SERPINB3: variants seen among roughly 807,000 people sequenced by gnomAD.
SERPINB3 encodes serpin B3.
SERPINB3 carries 33 observed loss-of-function variants against 33.0 expected under a neutral mutation model. The ratio of observed to expected loss-of-function variants is 1.00; its 90% confidence interval spans 0.76 to 1.34. The LOEUF is 1.34. SERPINB3 is among the 40% of genes most tolerant of loss of function. SERPINB3 has a pLI of 0.00. For synonymous variants in SERPINB3, 200 were observed against 170.9 expected, an observed-to-expected ratio of 1.17 and a Z score of -1.33; for missense variants, 518 against 461.5, an observed-to-expected ratio of 1.12 and a Z score of -1.12.
chr18:63,657,682 G>GTCCAT (rs1368891372), intron 5 of SERPINB3, among the ~76,000 whole-genome samples: 2 of 151,912 alleles, frequency 1.3e-5, no homozygotes, highest in African/African-American at 4.8e-5. Flanking sequence ...GTATGAATGA[G>GTCCAT]TCCATTCATC....
Position 63,655,783 on chromosome 18 carries a change from T to TA in SERPINB3, c.1046dup (p.Val350SerfsTer11). 1 of 1,608,966 alleles carries TA rather than the reference T, an allele frequency of 6.2e-7. No homozygotes were observed. Among genetic ancestry groups the TA allele is most frequent in the South Asian group, 1.1e-5 (1 of 91,044 alleles). ...AAGTAGGTGATGATCCGAATCCTAC[T>TA]ACAGCGGTGGCAGCTGCAGCTTCTG... On this transcript the variant is annotated frameshift_variant, in exon 8 of 8. Coordinates refer to ENST00000283752, the MANE Select transcript of SERPINB3 (RefSeq NM_006919.3). LOFTEE classifies it low-confidence loss of function (END_TRUNC).
chr18:63,657,275 T>C lies in SERPINB3; in HGVS notation c.607A>G (p.Asn203Asp). ...AAATAAAATATAGACAATACCTTGT[T>C]TGGCCAAAATTTTTCCTCTTTAGTA... ...EDTKEEKFWP[N>D]KNTYKSIQMM... is the part of the protein sequence containing the mutation. Residue 203 changes from asparagine to aspartate, a missense_variant, in exon 6 of 8, where the codon AAC (asparagine) becomes GAC (aspartate). Asn to Asp is a conservative substitution (Grantham distance 23). Transcript: ENST00000283752. The C allele has an allele frequency of 6.4e-7, 1 of 1,557,796 alleles. No individual in the cohort carries two copies.
At chr18:63,659,623 G>C (rs1913590143) in intron 3 of SERPINB3, 96 bp from the exon 4 acceptor site, 2 of 1,527,272 alleles carry the variant, frequency 1.3e-6, no homozygotes, top group Non-Finnish European at 1.8e-6. Flanking sequence ...ATGGCTGGTA[G>C]TCTCAATGAG....
At position 63,661,173 on chromosome 18, in the gene SERPINB3, A is replaced by G. The variant is rs1310758621; in HGVS notation, c.44T>C (p.Leu15Pro). The stretch of plus-strand genomic sequence containing the variant: ...TTTTGATTTTCTGAACTGTTGGAAC[A>G]GGTCGAACATGAACTTGGTGTTGGC... ...SEANTKFMFDLFQQFRKSKEN... is the reference protein window; with the variant it reads ...SEANTKFMFDPFQQFRKSKEN... The change falls in exon 2 of 8, where the codon CTG becomes CCG. Residue 15 changes from leucine (L) to proline (P), a missense_variant. By Grantham distance (98) the Leu-to-Pro change is moderately conservative. Transcript: ENST00000283752. 1 of 1,613,656 alleles carries G rather than the reference A, an allele frequency of 6.2e-7. No homozygotes were observed.
In SERPINB3 at chr18:63,660,864, A is replaced by G; in HGVS notation, c.166-8T>C. 1.2e-6 allele frequency: 2 copies of G among 1,613,342 alleles called. No individual in the cohort carries two copies. Among genetic ancestry groups the G allele is most frequent in the South Asian group, 1.1e-5 (1 of 91,064 alleles). On this transcript the variant is annotated splice_region_variant and splice_polypyrimidine_tract_variant and intron_variant, in intron 2 of 7. Transcript: ENST00000283752. The stretch of plus-strand genomic sequence containing the variant: ...TTGATCAAAGTGAAGAACCTGGAAG[A>G]GACATGAAGCGGGACAAGAAAACTT...
chr18:63,658,265 C>A (rs1230589425), intron 5 of SERPINB3, among the ~76,000 whole-genome samples: 1 of 152,146 alleles, frequency 6.6e-6, no homozygotes, highest in East Asian at 1.9e-4. Flanking sequence ...AAGCTATTGT[C>A]ATCCAGGAAC....
chr18:63,657,759 C>T (rs4089772), intron 5 of SERPINB3, among the ~76,000 whole-genome samples: 58,796 of 150,536 alleles, frequency 0.39, 13,875 homozygotes, highest in Non-Finnish European at 0.53. Flanking sequence ...TTCTCCCTCC[C>T]TCCTCTTCCT....
At chr18:63,659,315 T>C (rs751172438) in intron 4 of SERPINB3, 84 bp downstream of exon 4, 1 of 1,466,296 alleles carries the variant, frequency 6.8e-7, no homozygotes, top group Non-Finnish European at 9.5e-7. Flanking sequence ...GTCAGGCTCA[T>C]CTGCCTTGCT....
At position 63,661,479 on chromosome 18, in the gene SERPINB3, A is replaced by C. The variant is rs1598940311; in HGVS notation, c.-26-237T>G. ...TTAAAGACTACTGTAAATAAGTAAT[A>C]GACCCTCTTTCCTTCATTGCTGGCT... On this transcript the variant is annotated intron_variant, in intron 1 of 7. Transcript: ENST00000283752. 2.6e-5 allele frequency among the ~76,000 whole-genome samples: 4 copies of C among 152,020 alleles called. No individual in the cohort carries two copies. The South Asian group carries it at 8.3e-4, about 31-fold the overall frequency.
Position 63,657,284 on chromosome 18 carries a change from A to AT in SERPINB3, c.597dup (p.Phe200IlefsTer51). Reference sequence around the variant, plus strand: ...ATAGACAATACCTTGTTTGGCCAAAATTTTTCCTCTTTAGTATCTTCTTTA... The same window carrying AT: ...ATAGACAATACCTTGTTTGGCCAAAATTTTTTCCTCTTTAGTATCTTCTTTA... On this transcript the variant is annotated frameshift_variant, in exon 6 of 8. Coordinates refer to ENST00000283752, the MANE Select transcript of SERPINB3 (RefSeq NM_006919.3). LOFTEE classifies it high-confidence loss of function. 3.2e-6 allele frequency: 5 copies of AT among 1,579,282 alleles called. No individual in the cohort carries two copies. Among genetic ancestry groups the AT allele is most frequent in the Non-Finnish European group, 3.5e-6 (4 of 1,157,648 alleles).
intron 3 of SERPINB3, among the ~76,000 whole-genome samples, chr18:63,660,438 T>G (rs1466819472): frequency 6.6e-6 from 1 of 152,270 alleles, no homozygotes; most frequent in East Asian, 1.9e-4. Flanking sequence ...CATTTGCATG[T>G]ATTTGCATGT....
chr18:63,655,759 A>C lies in SERPINB3; in HGVS notation c.1071T>G (p.Thr357=), dbSNP rs765840103. The change falls in exon 8 of 8, where the codon ACT becomes ACG. Residue 357 remains threonine, a synonymous_variant. Coordinates refer to ENST00000283752, the MANE Select transcript of SERPINB3 (RefSeq NM_006919.3). ...TACAATGGAACTCTTCATTAGTTGAAGTAGGTGATGATCCGAATCCTACTA... is the reference window on the plus strand; with the variant it reads ...TACAATGGAACTCTTCATTAGTTGACGTAGGTGATGATCCGAATCCTACTA... ...TAVVGFGSSP[T]STNEEFHCNH... is the part of the protein sequence containing the mutation. 11 of 1,613,420 alleles carry C rather than the reference A, an allele frequency of 6.8e-6. No individual in the cohort carries two copies. The highest frequency in any genetic ancestry group is 9.3e-6 in the Non-Finnish European group (11 of 1,179,954).
rs971594432 is a variant in SERPINB3, at chr18:63,655,582, G to C, written c.*75C>G. The C allele has an allele frequency of 9.5e-5, 138 of 1,451,714 alleles. No individual in the cohort carries two copies. The African/African-American group carries it at 1.8e-3, about 19-fold the overall frequency. The allele number at this position is 1,451,714 out of a possible 1,614,324, so 89.9% of individuals were successfully genotyped here. ...AAAGAAATATGAGCCAAGAGAATCT[G>C]TTGTTGCCAGCAATCAGTTTACCAG... On this transcript the variant is annotated 3_prime_UTR_variant, in exon 8 of 8. Coordinates refer to ENST00000283752, the MANE Select transcript of SERPINB3 (RefSeq NM_006919.3).
Position 63,655,471 on chromosome 18 carries a change from T to G in SERPINB3, c.*186A>C, listed in dbSNP as rs1349577703. ...CTGGAAGAAAAAGTACATTTATATG[T>G]GGGCTTATTAAGAGAAAGAGAGAAA... On this transcript the variant is annotated 3_prime_UTR_variant, in exon 8 of 8. Transcript: ENST00000283752. The G allele has an allele frequency of 4.8e-6, 3 of 626,758 alleles. No individual in the cohort carries two copies. The highest frequency in any genetic ancestry group is 5.6e-5 in the East Asian group (2 of 35,618). The allele number at this position is 626,758 out of a possible 1,614,324, so 38.8% of individuals were successfully genotyped here.
chr18:63,659,356 C>T (rs1913579715), intron 4 of SERPINB3, 43 bp downstream of exon 4: 6 of 1,595,690 alleles, frequency 3.8e-6, no homozygotes, highest in Non-Finnish European at 5.1e-6. Flanking sequence ...GAGACACAGA[C>T]ATCAGGATGC....
rs1377897057 is a variant in SERPINB3, at chr18:63,655,665, A to T, written c.1165T>A (p.Ser389Thr). The change falls in exon 8 of 8, where the codon TCC (serine) becomes ACC (threonine). Residue 389 changes from serine (S) to threonine (T), a missense_variant. Physicochemically the swap from Ser to Thr is moderately conservative, Grantham distance 58. Coordinates refer to ENST00000283752, the MANE Select transcript of SERPINB3 (RefSeq NM_006919.3). Reference sequence around the variant, plus strand: ...TGACAGACTAATTGCATCTACGGGGATGAGAATCTGCCATAGAAGAGGATG... The same window carrying T: ...TGACAGACTAATTGCATCTACGGGGTTGAGAATCTGCCATAGAAGAGGATG... Reference protein sequence around the residue: ...NSILFYGRFSSP With the variant: ...NSILFYGRFSTP The T allele has an allele frequency of 6.2e-7, 1 of 1,606,314 alleles. No individual in the cohort carries two copies. Among genetic ancestry groups the T allele is most frequent in the Admixed American group, 1.7e-5 (1 of 59,710 alleles).
At position 63,655,827 on chromosome 18, in the gene SERPINB3, C is replaced by T. The variant is rs1913478980; in HGVS notation, c.1003G>A (p.Glu335Lys). ...LSGVLHKAFV[E>K]VTEEGAEAAA... ...GCTTCTGCTCCCTCCTCTGTAACCT[C>T]CACAAAGGCCTTGTGTAGGACTCCA... The change falls in exon 8 of 8, where the codon GAG becomes AAG. Residue 335 changes from glutamate to lysine, a missense_variant. Physicochemically the swap from Glu to Lys is moderately conservative, Grantham distance 56. Coordinates refer to ENST00000283752, the MANE Select transcript of SERPINB3 (RefSeq NM_006919.3). The T allele has an allele frequency of 1.2e-6, 2 of 1,613,878 alleles. No individual in the cohort carries two copies. Among genetic ancestry groups the T allele is most frequent in the African/African-American group, 1.3e-5 (1 of 74,914 alleles).
chr18:63,657,644 T>C (rs1377140194), intron 5 of SERPINB3, among the ~76,000 whole-genome samples: 2 of 152,142 alleles, frequency 1.3e-5, no homozygotes, highest in Non-Finnish European at 2.9e-5. Flanking sequence ...TCACTTCTTG[T>C]GATAGAGAAG....
intron 3 of SERPINB3, among the ~76,000 whole-genome samples, chr18:63,660,342 C>A (rs772451860): frequency 6.6e-6 from 1 of 152,190 alleles, no homozygotes; most frequent in East Asian, 1.9e-4. Flanking sequence ...TATTTTGCAA[C>A]ATTATTGTGA....
Sources: gnomAD v4.1 joint callset for allele counts (sites outside exome capture counted in the v4.1 genomes callset) on GRCh38, gnomAD v4.1.1 for gene constraint, MANE v1.5 for transcripts, NCBI Gene and HGNC (gene_info 2026-07-23, HGNC 2026-07-21) for gene names.